CNIH4: variants seen among roughly 807,000 people sequenced by gnomAD.
CNIH4 encodes cornichon family member 4.
In CNIH4, 9 loss-of-function variants were observed where a neutral mutation model predicts 21.5. That is an observed-to-expected ratio of 0.42 (90% CI 0.25 to 0.73). CNIH4 has a LOEUF of 0.73. Among genes scored for constraint, CNIH4 ranks in the 30% least tolerant of loss-of-function variants. The pLI, the probability that CNIH4 is intolerant of heterozygous loss-of-function variation, is 0.27. For synonymous variants in CNIH4, 67 were observed against 59.1 expected (o/e 1.13, Z -0.61); for missense variants, 159 against 170.0 (o/e 0.94, Z 0.36).
At chr1:224,368,538 A>T (rs781502635) in intron 3 of CNIH4, among the ~76,000 whole-genome samples, 2 of 152,166 alleles carry the variant, frequency 1.3e-5, no homozygotes, top group Non-Finnish European at 2.9e-5. Flanking sequence ...GCTGTTGGAG[A>T]TGAAGTACAG....
In CNIH4 at chr1:224,378,965, T is replaced by C; in HGVS notation, c.*3143T>C. 9.0e-7 allele frequency: 1 copy of C among 1,105,942 alleles called. No individual in the cohort carries two copies. The highest frequency in any genetic ancestry group is 2.6e-5 in the East Asian group (1 of 38,746). The allele number at this position is 1,105,942 out of a possible 1,614,324, so 68.5% of individuals were successfully genotyped here. On this transcript the variant is annotated 3_prime_UTR_variant, in exon 5 of 5. Coordinates refer to ENST00000465271, the MANE Select transcript of CNIH4 (RefSeq NM_014184.4). ...ACCACTCCTCTTCCCCTTCCCTCTATAATGGCAGTACCCAGGGCCCGGTCC... is the reference window on the plus strand; with the variant it reads ...ACCACTCCTCTTCCCCTTCCCTCTACAATGGCAGTACCCAGGGCCCGGTCC...
At chr1:224,369,849 T>C (rs1420675506) in intron 3 of CNIH4, among the ~76,000 whole-genome samples, 1 of 151,952 alleles carries the variant, frequency 6.6e-6, no homozygotes, top group Non-Finnish European at 1.5e-5. Flanking sequence ...GCTAATTTTG[T>C]ATTTTTAGTA....
intron 2 of CNIH4, among the ~76,000 whole-genome samples, chr1:224,361,907 G>A (rs1672299304): frequency 6.6e-6 from 1 of 152,112 alleles, no homozygotes; most frequent in East Asian, 1.9e-4. Flanking sequence ...TTGAGATAAG[G>A]TAACTGCCAA....
At chr1:224,362,468 A>G (rs1397748396) in intron 2 of CNIH4, among the ~76,000 whole-genome samples, 1 of 145,748 alleles carries the variant, frequency 6.9e-6, no homozygotes, top group Non-Finnish European at 1.5e-5. Flanking sequence ...GAAATTTTAC[A>G]GTGCTGTATC....
chr1:224,368,264 G>A (rs998494300), intron 3 of CNIH4, among the ~76,000 whole-genome samples: 3 of 152,158 alleles, frequency 2.0e-5, no homozygotes, highest in Admixed American at 6.5e-5. Flanking sequence ...TCTGGGAGGC[G>A]GAGGTTGCAG....
chr1:224,369,866 G>T (rs1207170695), intron 3 of CNIH4, among the ~76,000 whole-genome samples: 2 of 151,736 alleles, frequency 1.3e-5, no homozygotes, highest in Non-Finnish European at 2.9e-5. Context: ...AGTAGCAATG[G>T]GATTTCTCCA....
intron 1 of CNIH4, 173 bp downstream of exon 1, chr1:224,357,166 G>A (rs1672139988): frequency 8.9e-6 from 6 of 671,524 alleles, no homozygotes; most frequent in Non-Finnish European, 1.5e-5. Context: ...GGTAGGAGAG[G>A]CTGGCTGCCC....
chr1:224,361,284 T>A (rs1186218370), intron 2 of CNIH4, among the ~76,000 whole-genome samples: 1 of 151,874 alleles, frequency 6.6e-6, no homozygotes, highest in Non-Finnish European at 1.5e-5. Context: ...CTGGCTAATT[T>A]TTTTTGTATT....
chr1:224,365,290 C>T (rs1237660173), intron 2 of CNIH4, among the ~76,000 whole-genome samples: 1 of 152,214 alleles, frequency 6.6e-6, no homozygotes, highest in Admixed American at 6.5e-5. Context: ...TAGAACATTA[C>T]ACAGTCAACA....
At chr1:224,361,755 A>T (rs1672294547) in intron 2 of CNIH4, among the ~76,000 whole-genome samples, 1 of 150,326 alleles carries the variant, frequency 6.7e-6, no homozygotes, top group Admixed American at 6.6e-5. Context: ...GCTGATTTTT[A>T]AAATTTTTTT....
Position 224,379,209 on chromosome 1 carries a change from C to T in CNIH4, c.*3387C>T. On this transcript the variant is annotated 3_prime_UTR_variant, in exon 5 of 5. Coordinates refer to ENST00000465271, the MANE Select transcript of CNIH4 (RefSeq NM_014184.4). ...ATGCCTGCCACAGACTACAGTAGGA[C>T]AAAACCTGACCTGGTCTTTGAAGTT... 9.9e-7 allele frequency: 1 copy of T among 1,014,446 alleles called. No individual in the cohort carries two copies. Among genetic ancestry groups the T allele is most frequent in the South Asian group, 1.4e-5 (1 of 72,420 alleles). 62.8% of individuals were successfully genotyped at this position (1,014,446 alleles called of 1,614,324 possible).
chr1:224,375,793 A>G lies in CNIH4; in HGVS notation c.393-2A>G. On this transcript the variant is annotated splice_acceptor_variant, in intron 4 of 4. Coordinates refer to ENST00000465271, the MANE Select transcript of CNIH4 (RefSeq NM_014184.4). LOFTEE classifies it high-confidence loss of function. Reference sequence around the variant, plus strand: ...AGTGACATTCATTTCTTCTTTCCACAGTATGATCTTAGCTTTGATAAATGA... The same window carrying G: ...AGTGACATTCATTTCTTCTTTCCACGGTATGATCTTAGCTTTGATAAATGA... The G allele has an allele frequency of 6.2e-7, 1 of 1,614,096 alleles. No homozygotes were observed. Among genetic ancestry groups the G allele is most frequent in the Non-Finnish European group, 8.5e-7 (1 of 1,179,986 alleles).
Position 224,364,400 on chromosome 1 carries a change from A to C in CNIH4, c.139-1479A>C. 3.1e-6 allele frequency: 3 copies of C among 981,596 alleles called. No individual in the cohort carries two copies. The South Asian group carries it at 1.4e-4, about 46-fold the overall frequency. The allele number at this position is 981,596 out of a possible 1,614,324, so 60.8% of individuals were successfully genotyped here. Reference sequence around the variant, plus strand: ...TCAGCTGACATTTTATTGAGTGCCTACTTTGCATGTGGCTTACATGTTATT... The same window carrying C: ...TCAGCTGACATTTTATTGAGTGCCTCCTTTGCATGTGGCTTACATGTTATT... On this transcript the variant is annotated intron_variant, in intron 2 of 4. Transcript: ENST00000465271.
rs1672852088 is a variant in CNIH4, at chr1:224,379,078, C to G, written c.*3256C>G. 1 of 1,550,442 alleles carries G rather than the reference C, an allele frequency of 6.4e-7. No individual in the cohort carries two copies. The highest frequency in any genetic ancestry group is 8.7e-7 in the Non-Finnish European group (1 of 1,146,970). ...CCTTCTATCCTTTCAGTGGTAGCAA[C>G]TGCCCTTGCTAATCACCGTAACCTC... On this transcript the variant is annotated 3_prime_UTR_variant, in exon 5 of 5. Coordinates refer to ENST00000465271, the MANE Select transcript of CNIH4 (RefSeq NM_014184.4).
At chr1:224,370,305 A>G (rs1035152851) in intron 3 of CNIH4, among the ~76,000 whole-genome samples, 6 of 152,132 alleles carry the variant, frequency 3.9e-5, no homozygotes, top group African/African-American at 1.2e-4. Context: ...AATACCCTCT[A>G]TTCAGCTATA....
At chr1:224,363,443 G>A (rs1291829476) in intron 2 of CNIH4, among the ~76,000 whole-genome samples, 3 of 152,100 alleles carry the variant, frequency 2.0e-5, no homozygotes, top group East Asian at 3.8e-4. Context: ...AGTTCTCTGC[G>A]AATACTGATT....
chr1:224,374,413 C>CT (rs796364131), intron 4 of CNIH4, among the ~76,000 whole-genome samples: 111 of 145,006 alleles, frequency 7.7e-4, no homozygotes, highest in Non-Finnish European at 7.0e-4. Context: ...AGTTTCGTTT[C>CT]TTTTTTTTTT....
At position 224,357,008 on chromosome 1, in the gene CNIH4, G is replaced by C. The variant is rs373809410; in HGVS notation, c.69+15G>C. 2 of 1,604,034 alleles carry C rather than the reference G, an allele frequency of 1.2e-6. No homozygotes were observed. The highest frequency in any genetic ancestry group is 1.7e-6 in the Non-Finnish European group (2 of 1,175,432). Reference sequence around the variant, plus strand: ...CGGTCTACTTCGTATCCTTGCCTGAGGCAGGCGAACGCCTTGCCGGGGGAC... The same window carrying C: ...CGGTCTACTTCGTATCCTTGCCTGACGCAGGCGAACGCCTTGCCGGGGGAC... On this transcript the variant is annotated intron_variant, in intron 1 of 4. Coordinates refer to ENST00000465271, the MANE Select transcript of CNIH4 (RefSeq NM_014184.4).
chr1:224,363,261 C>G (rs1558395964), intron 2 of CNIH4, among the ~76,000 whole-genome samples: 1 of 151,916 alleles, frequency 6.6e-6, no homozygotes, highest in Admixed American at 6.6e-5. Flanking sequence ...CCAGGCTGGT[C>G]TCCGACTCCT....
Sources: gnomAD v4.1 joint callset for allele counts (sites outside exome capture counted in the v4.1 genomes callset) on GRCh38, gnomAD v4.1.1 for gene constraint, MANE v1.5 for transcripts, NCBI Gene and HGNC (gene_info 2026-07-23, HGNC 2026-07-21) for gene names.